Variants in TRMT11 observed in about 807,000 individuals in gnomAD.
The protein encoded by TRMT11 is tRNA (guanine(10)-N(2))-methyltransferase TRMT11.
TRMT11 carries 53 observed loss-of-function variants against 62.8 expected under a neutral mutation model. The ratio of observed to expected loss-of-function variants is 0.84; its 90% CI spans 0.68 to 1.06. The LOEUF is 1.06. Ranked by LOEUF, TRMT11 falls within the 50% of genes least tolerant of loss-of-function variation. The pLI, the probability that TRMT11 is intolerant of heterozygous loss-of-function variation, is 0.00. For missense variants in TRMT11, 556 were observed against 553.4 expected, an observed-to-expected ratio of 1.00 and a Z score of -0.05; for synonymous variants, 188 against 190.3, an observed-to-expected ratio of 0.99 and a Z score of 0.10.
rs182834194 is a variant in TRMT11 at position 126,133,573 on chromosome 6, C to T, written c.*1823+17718C>T. On this transcript the variant is annotated intron_variant and NMD_transcript_variant, in intron 21 of 22. Coordinates refer to the TRMT11 transcript ENST00000648977. The stretch of plus-strand genomic sequence containing the variant: ...TCTGCATCCTCAGCACCTTCAGAGC[C>T]CTCAGATATTTCCTGCTGGGTAGAA... Among the ~76,000 whole-genome samples, 9 of 152,054 alleles carry T rather than the reference C, an allele frequency of 5.9e-5. No individual in the cohort carries two copies. In the East Asian group the frequency reaches 1.7e-3, roughly 29 times the overall value.
chr6:126,004,624 A>G (rs1793064847), intron 7 of TRMT11, among the ~76,000 whole-genome samples: 1 of 152,008 alleles, frequency 6.6e-6, no homozygotes, highest in Non-Finnish European at 1.5e-5. Context: ...CCATGGCCAT[A>G]GTTTTCACAA....
Position 126,133,294 on chromosome 6 carries a change from T to C in TRMT11, c.*1823+17439T>C, listed in dbSNP as rs568200841. On this transcript the variant is annotated intron_variant and NMD_transcript_variant, in intron 21 of 22. Coordinates refer to the TRMT11 transcript ENST00000648977. The stretch of plus-strand genomic sequence containing the variant: ...AATCTTTATTTCGCAGTTAAGTGTC[T>C]AAATGCTTATTTCCCAAAATACCAT... 2.0e-5 allele frequency among the ~76,000 whole-genome samples: 3 copies of C among 152,044 alleles called. No individual in the cohort carries two copies. In the South Asian group the frequency reaches 6.2e-4, roughly 31 times the overall value.
intron 21 of TRMT11, among the ~76,000 whole-genome samples, chr6:126,128,460 T>C (rs1471354506): frequency 6.6e-6 from 1 of 152,112 alleles, no homozygotes; most frequent in Admixed American, 6.6e-5. Context: ...TCACTTTTAT[T>C]AGTATTTCTC....
chr6:126,155,939 G>A (rs146790658), intron 21 of TRMT11, among the ~76,000 whole-genome samples: 2 of 152,046 alleles, frequency 1.3e-5, no homozygotes, highest in African/African-American at 4.8e-5. Flanking sequence ...TGTTAGCCAG[G>A]ATGGTCTCAA....
Position 125,986,605 on chromosome 6 carries a change from C to T in TRMT11, c.55C>T (p.Leu19=). 1 of 1,581,198 alleles carries T rather than the reference C, an allele frequency of 6.3e-7. No individual in the cohort carries two copies. Among genetic ancestry groups the T allele is most frequent in the Non-Finnish European group, 8.6e-7 (1 of 1,166,186 alleles). The change falls in exon 1 of 13, where the codon CTG becomes TTG. Residue 19 remains leucine, a synonymous_variant. Transcript: ENST00000334379. Reference sequence around the variant, plus strand: ...TCTGCTCCTCATGGCGCAGGAGCATCTGGAGTTCCGCCTGCCGGTGAGTCC... The same window carrying T: ...TCTGCTCCTCATGGCGCAGGAGCATTTGGAGTTCCGCCTGCCGGTGAGTCC... ...RYLLLMAQEH[L]EFRLPEIKSL...
intron 1 of TRMT11, among the ~76,000 whole-genome samples, chr6:126,195,888 T>C (rs9491583): frequency 0.098 from 14,978 of 152,164 alleles, 2,465 homozygotes; most frequent in African/African-American, 0.34. Context: ...TTTCTTTGGA[T>C]ATTTTCATGT....
chr6:126,243,982 G>T, the TRMT11 span, among the ~76,000 whole-genome samples: 5 of 152,218 alleles, frequency 3.3e-5, no homozygotes, highest in African/African-American at 1.2e-4. Context: ...ACAAAAATAT[G>T]ATTCTACCAC....
rs535115911 is a variant in TRMT11 at position 125,997,490 on chromosome 6, T to TTG, written c.213-551_213-550dup. ...ATTTTGGGTAAGTTAGTTACTAAAA[T>TTG]TGTGTGTGTGTGTCCATACGTGCGC... On this transcript the variant is annotated intron_variant, in intron 3 of 12. Transcript: ENST00000334379. Among the ~76,000 whole-genome samples the TTG allele has an allele frequency of 2.7e-3, 406 of 152,328 alleles. 1 individual carries two copies. Among genetic ancestry groups the TTG allele is most frequent in the Non-Finnish European group, 4.6e-3 (310 of 68,014 alleles).
chr6:125,995,029 G>T (rs915739501), intron 2 of TRMT11, among the ~76,000 whole-genome samples: 24 of 152,298 alleles, frequency 1.6e-4, no homozygotes, highest in African/African-American at 5.1e-4. Context: ...GCTAATGGAT[G>T]CTGGGCTTAA....
At chr6:126,032,416 T>C (rs1231366390) in intron 12 of TRMT11, among the ~76,000 whole-genome samples, 1 of 152,160 alleles carries the variant, frequency 6.6e-6, no homozygotes, top group Non-Finnish European at 1.5e-5. Context: ...CCAGTTGTTA[T>C]CCACCCTGGC....
At chr6:126,182,326 A>G (rs1386080452) in intron 1 of TRMT11, among the ~76,000 whole-genome samples, 3 of 150,662 alleles carry the variant, frequency 2.0e-5, no homozygotes. Context: ...GGTTGAAGGG[A>G]GTTTGTCTGT....
chr6:126,236,209 A>G, the TRMT11 span, among the ~76,000 whole-genome samples: 1 of 152,252 alleles, frequency 6.6e-6, no homozygotes, highest in Non-Finnish European at 1.5e-5. Flanking sequence ...AAGATTAAAT[A>G]AACTACAGGT....
chr6:126,193,488 G>GTTTTTTTTTTTTTTTTTTTTTTTTT lies in TRMT11; in HGVS notation n.144-5310_144-5309insTTTTTTTTTTTTTTTTTTTTTTTTT, dbSNP rs1778627491. Among the ~76,000 whole-genome samples the GTTTTTTTTTTTTTTTTTTTTTTTTT allele has an allele frequency of 4.2e-5, 5 of 118,138 alleles. 1 individual carries two copies. Among genetic ancestry groups the GTTTTTTTTTTTTTTTTTTTTTTTTT allele is most frequent in the African/African-American group, 1.9e-4 (5 of 26,866 alleles). The allele number at this position is 118,138 out of a possible 152,430, so 77.5% of individuals were successfully genotyped here. A position where few individuals can be genotyped will look rare whatever the true frequency, so the allele number is the denominator to read the frequency against. ...TAGGTTATTTAAGAGGAGCGTTTCT[G>GTTTTTTTTTTTTTTTTTTTTTTTTT]TATTTTTTTTTTTTTTTTTTTTTTT... On this transcript the variant is annotated intron_variant and non_coding_transcript_variant, in intron 1 of 3. Transcript: ENST00000444229.
At chr6:126,144,627 G>C (rs1479658851) in intron 21 of TRMT11, among the ~76,000 whole-genome samples, 1 of 152,090 alleles carries the variant, frequency 6.6e-6, no homozygotes, top group African/African-American at 2.4e-5. Flanking sequence ...CCCAAACATT[G>C]TCCCTTTTTT....
intron 17 of TRMT11, among the ~76,000 whole-genome samples, chr6:126,093,620 T>G (rs1777304450): frequency 1.0e-5 from 1 of 96,094 alleles, no homozygotes; most frequent in Non-Finnish European, 1.9e-5. Flanking sequence ...TATATATATA[T>G]ATATATATAT....
chr6:126,232,894 CAT>C, the TRMT11 span, among the ~76,000 whole-genome samples: 1 of 152,164 alleles, frequency 6.6e-6, no homozygotes, highest in Non-Finnish European at 1.5e-5. Context: ...AATGTCAAGT[CAT>C]GTGGCGCTGG....
chr6:126,134,352 C>G (rs1170407835), intron 21 of TRMT11, among the ~76,000 whole-genome samples: 1 of 151,746 alleles, frequency 6.6e-6, no homozygotes. Context: ...AGTGTCTATA[C>G]TTAAATCAGA....
At chr6:126,097,665 A>C (rs944809443) in intron 17 of TRMT11, among the ~76,000 whole-genome samples, 2 of 152,008 alleles carry the variant, frequency 1.3e-5, no homozygotes, top group Non-Finnish European at 2.9e-5. Context: ...AATTGAAATT[A>C]AAAAAAATCT....
At chr6:126,230,211 A>G in the TRMT11 span, among the ~76,000 whole-genome samples, 1 of 152,158 alleles carries the variant, frequency 6.6e-6, no homozygotes. Context: ...AAAATCAAGC[A>G]GTTTATATAG....
Sources: allele counts gnomAD v4.1 joint callset (sites outside exome capture counted in the v4.1 genomes callset), GRCh38; gene constraint gnomAD v4.1.1; transcripts MANE v1.5; gene names NCBI Gene and HGNC (gene_info 2026-07-23, HGNC 2026-07-21).